The following ARHGEF7 variants were observed in gnomAD, a reference collection of about 807,000 sequenced individuals.
The protein encoded by ARHGEF7 is Rho guanine nucleotide exchange factor 7.
A neutral mutation model predicts 109.8 loss-of-function variants in ARHGEF7; 33 were observed. The observed-to-expected ratio is 0.30, with a 90% confidence interval of 0.23 to 0.40. The LOEUF is 0.40. ARHGEF7 is among the 10% of genes least tolerant of loss of function. The probability of loss-of-function intolerance (pLI) is 1.00; values close to 1 mark genes in which losing one functional copy is unlikely to be tolerated. For synonymous variants in ARHGEF7, 458 were observed against 424.6 expected, an observed-to-expected ratio of 1.08 and a Z score of -0.97; for missense variants, 938 against 1,098.5, an observed-to-expected ratio of 0.85 and a Z score of 2.07.
intron 9 of ARHGEF7, among the ~76,000 whole-genome samples, chr13:111,270,452 CGAT>C (rs1361417525): frequency 6.6e-6 from 1 of 151,728 alleles, no homozygotes. Flanking sequence ...GAAACTAAAA[CGAT>C]GATCCACAAA....
intron 20 of ARHGEF7, 91 bp downstream of exon 20, chr13:111,300,938 C>A: frequency 1.4e-6 from 1 of 694,408 alleles, no homozygotes; most frequent in Non-Finnish European, 2.3e-6. Context: ...GGGGGTATGG[C>A]TTCAGAAGCT....
chr13:111,209,766 T>C (rs2082278961), intron 3 of ARHGEF7, 106 bp from the exon 4 acceptor site: 9 of 1,318,264 alleles, frequency 6.8e-6, no homozygotes, highest in Admixed American at 2.5e-5. Flanking sequence ...TGTGGTCTTT[T>C]GGTGTGTCCC....
chr13:111,153,680 G>C (rs368342997), intron 1 of ARHGEF7: 2 of 1,252,208 alleles, frequency 1.6e-6, no homozygotes, highest in African/African-American at 3.2e-5. Context: ...CCTGGTGCGG[G>C]AAGGGGCAGA....
intron 1 of ARHGEF7, among the ~76,000 whole-genome samples, chr13:111,139,213 CA>C (rs2075231239): frequency 1.3e-5 from 2 of 152,122 alleles, no homozygotes; most frequent in South Asian, 4.1e-4. Flanking sequence ...TCAGTGTAGA[CA>C]AGAGAGAAAA....
rs117435611 is a variant in ARHGEF7 at position 111,229,956 on chromosome 13, C to T, written c.671-3249C>T. Among the ~76,000 whole-genome samples the T allele has an allele frequency of 3.3e-3, 502 of 152,128 alleles. 1 individual carries two copies. Among genetic ancestry groups the T allele is most frequent in the Non-Finnish European group, 5.1e-3 (349 of 68,010 alleles). On this transcript the variant is annotated intron_variant, in intron 5 of 21. Coordinates refer to ENST00000646102, the MANE Select transcript of ARHGEF7 (RefSeq NM_001354046.2). Reference sequence around the variant, plus strand: ...TCCAGACATCTTTGCATCAGCTGTGCGGGTTACTAAGGGATCCAGTTTTAT... The same window carrying T: ...TCCAGACATCTTTGCATCAGCTGTGTGGGTTACTAAGGGATCCAGTTTTAT...
intron 2 of ARHGEF7, among the ~76,000 whole-genome samples, chr13:111,156,459 T>C (rs1169357796): frequency 6.6e-6 from 1 of 152,252 alleles, no homozygotes; most frequent in Non-Finnish European, 1.5e-5. Context: ...GTCACACTTG[T>C]AATTACCTAG....
At position 111,244,312 on chromosome 13, in the gene ARHGEF7, A is replaced by G. The variant is rs1048541537; in HGVS notation, c.950+18A>G. 5 of 1,481,744 alleles carry G rather than the reference A, an allele frequency of 3.4e-6. No individual in the cohort carries two copies. Among genetic ancestry groups the G allele is most frequent in the African/African-American group, 1.4e-5 (1 of 71,190 alleles). 91.8% of individuals were successfully genotyped at this position (1,481,744 alleles called of 1,614,324 possible). ...TGCACCAAGTAAGTAAGATGCTAAA[A>G]ATTTGCAACACTCAGGTTGGTATAA... On this transcript the variant is annotated intron_variant, in intron 8 of 21. Transcript: ENST00000646102.
At chr13:111,123,767 A>C (rs573909271) in intron 1 of ARHGEF7, among the ~76,000 whole-genome samples, 1 of 151,694 alleles carries the variant, frequency 6.6e-6, no homozygotes, top group South Asian at 2.1e-4. Context: ...TCACCACCCT[A>C]TAAGGGAGGT....
intron 2 of ARHGEF7, among the ~76,000 whole-genome samples, chr13:111,201,174 G>A (rs1191012829): frequency 5.3e-5 from 8 of 152,092 alleles, no homozygotes; most frequent in Admixed American, 1.3e-4. Flanking sequence ...GAGGTTCTCC[G>A]ACCTACGATT....
Position 111,292,483 on chromosome 13 carries a change from A to T in ARHGEF7, c.2311+189A>T, listed in dbSNP as rs546263006. On this transcript the variant is annotated intron_variant, in intron 19 of 21. Transcript: ENST00000646102. The stretch of plus-strand genomic sequence containing the variant: ...TTCCCATTGTACTTTGTGGAGGCTT[A>T]ACTGCCGATGCGAGTATACATTCGA... 1.1e-5 allele frequency: 16 copies of T among 1,437,614 alleles called. No individual in the cohort carries two copies. In the East Asian group the frequency reaches 3.5e-4, roughly 31 times the overall value. 89.1% of individuals were successfully genotyped at this position (1,437,614 alleles called of 1,614,324 possible).
intron 1 of ARHGEF7, among the ~76,000 whole-genome samples, chr13:111,119,094 T>C (rs2066997235): frequency 6.6e-6 from 1 of 152,210 alleles, no homozygotes; most frequent in Non-Finnish European, 1.5e-5. Flanking sequence ...ACTCTCAGGC[T>C]TCTGGTAGTT....
At chr13:111,297,722 C>T (rs1394068028) in intron 19 of ARHGEF7, among the ~76,000 whole-genome samples, 7 of 152,214 alleles carry the variant, frequency 4.6e-5, no homozygotes, top group South Asian at 2.1e-4. Flanking sequence ...ACACGTGGCT[C>T]ATGGCCTCAC....
chr13:111,273,676 G>T lies in ARHGEF7; in HGVS notation c.1074-138G>T. The T allele has an allele frequency of 1.6e-6, 2 of 1,218,876 alleles. No homozygotes were observed. The highest frequency in any genetic ancestry group is 1.5e-5 in the African/African-American group (1 of 66,498). 75.5% of individuals were successfully genotyped at this position (1,218,876 alleles called of 1,614,324 possible). ...TTCCAGATAAGCAGCGCAGATTTGGGATAAAAGCTGGAGCCTTCCAGATGT... is the reference window on the plus strand; with the variant it reads ...TTCCAGATAAGCAGCGCAGATTTGGTATAAAAGCTGGAGCCTTCCAGATGT... On this transcript the variant is annotated intron_variant, in intron 9 of 21. Transcript: ENST00000646102. This position sits in a 1 kb window ranked among gnomAD's most constrained non-coding sequence, Gnocchi z 4.5.
intron 19 of ARHGEF7, among the ~76,000 whole-genome samples, chr13:111,298,410 C>T (rs1242218297): frequency 2.0e-5 from 3 of 152,154 alleles, no homozygotes; most frequent in Non-Finnish European, 4.4e-5. Context: ...GTGTGGCCCA[C>T]GTGTCTCAGC....
intron 6 of ARHGEF7, among the ~76,000 whole-genome samples, chr13:111,240,536 T>TTCC (rs200010067): frequency 6.6e-5 from 10 of 152,220 alleles, no homozygotes; most frequent in Middle Eastern, 3.4e-3. Context: ...TCAACACTCC[T>TTCC]TCCTCCTCCT....
At chr13:111,162,872 A>G (rs1195540089) in intron 2 of ARHGEF7, among the ~76,000 whole-genome samples, 2 of 152,380 alleles carry the variant, frequency 1.3e-5, no homozygotes, top group Admixed American at 1.3e-4. Context: ...TGCAGGCTTA[A>G]TAATTAATTG....
At chr13:111,194,402 G>A (rs1009071183) in intron 2 of ARHGEF7, among the ~76,000 whole-genome samples, 3 of 152,072 alleles carry the variant, frequency 2.0e-5, no homozygotes, top group Non-Finnish European at 4.4e-5. Flanking sequence ...CGCTGTATCC[G>A]GCAGTCCATA....
intron 19 of ARHGEF7, among the ~76,000 whole-genome samples, chr13:111,296,526 T>C (rs1371586012): frequency 6.6e-6 from 1 of 152,238 alleles, no homozygotes; most frequent in Non-Finnish European, 1.5e-5. Flanking sequence ...GTGTTAAGTA[T>C]AAATTATTTC....
intron 1 of ARHGEF7, among the ~76,000 whole-genome samples, chr13:111,151,149 C>A (rs1023989214): frequency 6.6e-6 from 1 of 152,204 alleles, no homozygotes; most frequent in East Asian, 1.9e-4. Context: ...GCTCGTGTGA[C>A]CATTTACATT....
Sources: gnomAD v4.1 joint callset for allele counts (sites outside exome capture counted in the v4.1 genomes callset) on GRCh38, gnomAD v4.1.1 for gene constraint, Gnocchi (gnomAD v3.1) non-coding constraint, MANE v1.5 for transcripts, NCBI Gene and HGNC (gene_info 2026-07-23, HGNC 2026-07-21) for gene names.